Variants in SIK2 observed in about 807,000 individuals in gnomAD.
The protein encoded by SIK2 is serine/threonine-protein kinase SIK2.
A neutral mutation model predicts 103.2 loss-of-function variants in SIK2; 29 were observed. The observed-to-expected ratio is 0.28, with a 90% CI of 0.21 to 0.38. The LOEUF (loss-of-function observed/expected upper bound fraction) is 0.38, where lower values mean the gene tolerates loss of function less well. Ranked by LOEUF, SIK2 falls within the 10% of genes least tolerant of loss-of-function variation. The pLI is 1.00. For missense variants in SIK2, 879 were observed against 1,171.0 expected, an observed-to-expected ratio of 0.75 and a Z score of 3.64; for synonymous variants, 412 against 446.1, an observed-to-expected ratio of 0.92 and a Z score of 0.96.
At chr11:111,641,342 A>G (rs1256364772) in intron 3 of SIK2, among the ~76,000 whole-genome samples, 2 of 152,176 alleles carry the variant, frequency 1.3e-5, no homozygotes, top group Non-Finnish European at 2.9e-5. Context: ...AGAAAATTAC[A>G]AACTGGGCAC....
chr11:111,715,955 C>T (rs1253315596), intron 9 of SIK2, among the ~76,000 whole-genome samples: 2 of 151,926 alleles, frequency 1.3e-5, no homozygotes, highest in African/African-American at 4.8e-5. Flanking sequence ...GCGCCTGCCA[C>T]CACACCCAGC....
In SIK2 at chr11:111,703,429, G is replaced by C; in HGVS notation, c.948+6G>C. ...ATCAGCAGAAAACCATTGAGGTAAA[G>C]TGATCAGAGATTTCGGGGTTCTACT... On this transcript the variant is annotated splice_donor_region_variant and intron_variant, in intron 7 of 14. Transcript: ENST00000304987. 2 of 1,612,950 alleles carry C rather than the reference G, an allele frequency of 1.2e-6. No individual in the cohort carries two copies. Among genetic ancestry groups the C allele is most frequent in the Admixed American group, 3.3e-5 (2 of 60,010 alleles).
chr11:111,648,636 A>G (rs1220744094), intron 3 of SIK2, among the ~76,000 whole-genome samples: 1 of 151,900 alleles, frequency 6.6e-6, no homozygotes, highest in African/African-American at 2.4e-5. Flanking sequence ...CATGAAATAT[A>G]TATATTTCAT....
intron 2 of SIK2, among the ~76,000 whole-genome samples, chr11:111,617,657 A>G (rs936648837): frequency 6.6e-6 from 1 of 152,224 alleles, no homozygotes; most frequent in Non-Finnish European, 1.5e-5. Flanking sequence ...GTGCATTCAA[A>G]TAGATTAGCA....
intron 3 of SIK2, chr11:111,672,234 T>C (rs1942639130): frequency 5.2e-6 from 2 of 381,122 alleles, no homozygotes; most frequent in South Asian, 5.2e-5. Flanking sequence ...TAGCCTCCAC[T>C]CAGACCTATG....
intron 3 of SIK2, among the ~76,000 whole-genome samples, chr11:111,677,099 T>A (rs1942712642): frequency 6.6e-6 from 1 of 152,206 alleles, no homozygotes; most frequent in Non-Finnish European, 1.5e-5. Context: ...AAGTACCTAT[T>A]TGGGGAATTG....
chr11:111,721,035 C>A lies in SIK2; in HGVS notation c.1917C>A (p.Leu639=). The change falls in exon 12 of 15, where the codon CTC becomes CTA. Residue 639 remains leucine (L), a synonymous_variant. Coordinates refer to ENST00000304987, the MANE Select transcript of SIK2 (RefSeq NM_015191.3). The stretch of plus-strand genomic sequence containing the variant: ...ACCTGGCGCCGGCGGCTCCTCAGCT[C>A]CAGGACCTTGCTAGCAGCTGCCCTC... ...DPNLAPAAPQ[L]QDLASSCPQE... is the part of the protein sequence containing the mutation. 6.2e-7 allele frequency: 1 copy of A among 1,613,800 alleles called. No homozygotes were observed. Among genetic ancestry groups the A allele is most frequent in the South Asian group, 1.1e-5 (1 of 91,028 alleles).
At position 111,727,260 on chromosome 11, in the gene SIK2, G is replaced by A. The variant is rs1944003271; in HGVS notation, c.*3131G>A. On this transcript the variant is annotated 3_prime_UTR_variant, in exon 15 of 15. Transcript: ENST00000304987. Reference sequence around the variant, plus strand: ...GAGAGCATCAGGGCCCACCAGGGGAGTGGGGATGGGGCTCAGGGGCTGTTC... The same window carrying A: ...GAGAGCATCAGGGCCCACCAGGGGAATGGGGATGGGGCTCAGGGGCTGTTC... The A allele has an allele frequency of 5.0e-6, 3 of 596,042 alleles. No homozygotes were observed. Among genetic ancestry groups the A allele is most frequent in the South Asian group, 2.0e-5 (1 of 49,048 alleles). 36.9% of individuals were successfully genotyped at this position (596,042 alleles called of 1,614,324 possible).
At chr11:111,643,767 C>T (rs1942214861) in intron 3 of SIK2, among the ~76,000 whole-genome samples, 1 of 150,548 alleles carries the variant, frequency 6.6e-6, no homozygotes, top group Non-Finnish European at 1.5e-5. Flanking sequence ...GAGCCAAGAT[C>T]ACACCATTGC....
chr11:111,637,471 T>C (rs1242819838), intron 3 of SIK2, among the ~76,000 whole-genome samples: 1 of 149,254 alleles, frequency 6.7e-6, no homozygotes, highest in East Asian at 1.9e-4. Flanking sequence ...TTTTTTTTTT[T>C]TTTTTTGAGA....
chr11:111,616,417 A>G (rs1941807299), intron 2 of SIK2, 58 bp downstream of exon 2: 3 of 959,308 alleles, frequency 3.1e-6, no homozygotes, highest in Non-Finnish European at 4.9e-6. Context: ...TCTATTTCGT[A>G]TCATGATTTT....
rs879680079 is a variant in SIK2, at chr11:111,724,393, G to C, written c.*264G>C. On this transcript the variant is annotated 3_prime_UTR_variant, in exon 15 of 15. Coordinates refer to ENST00000304987, the MANE Select transcript of SIK2 (RefSeq NM_015191.3). ...CTTCGGTCGAGTGGAGCAAGCTCTCGAGGGCAGCACTGACAAATGTGTTCC... is the reference window on the plus strand; with the variant it reads ...CTTCGGTCGAGTGGAGCAAGCTCTCCAGGGCAGCACTGACAAATGTGTTCC... The C allele has an allele frequency of 2.0e-6, 1 of 503,434 alleles. No homozygotes were observed. The highest frequency in any genetic ancestry group is 3.6e-6 in the Non-Finnish European group (1 of 280,064). 31.2% of individuals were successfully genotyped at this position (503,434 alleles called of 1,614,324 possible).
rs1334117223 is a variant in SIK2 at position 111,712,379 on chromosome 11, C to T, written c.1266+4C>T. The T allele has an allele frequency of 1.2e-6, 2 of 1,611,938 alleles. No homozygotes were observed. The highest frequency in any genetic ancestry group is 2.2e-5 in the East Asian group (1 of 44,842). On this transcript the variant is annotated splice_donor_region_variant and intron_variant, in intron 9 of 14. Transcript: ENST00000304987. ...AGAGTGTGTGGACACTCCAAAGGTA[C>T]GGCTATGTTTGAGAGTCTCAGAACT...
chr11:111,608,197 A>G (rs976966564), intron 1 of SIK2, among the ~76,000 whole-genome samples: 1 of 152,226 alleles, frequency 6.6e-6, no homozygotes, highest in African/African-American at 2.4e-5. Flanking sequence ...AATAGCCTAT[A>G]TATCCATTTT....
chr11:111,611,118 G>GCA (rs779695114), intron 1 of SIK2, among the ~76,000 whole-genome samples: 12 of 150,594 alleles, frequency 8.0e-5, no homozygotes, highest in Admixed American at 2.7e-4. Context: ...GTGTGTGTGT[G>GCA]CACACCTGTA....
At chr11:111,696,105 C>G (rs1591623196) in intron 4 of SIK2, among the ~76,000 whole-genome samples, 1 of 152,146 alleles carries the variant, frequency 6.6e-6, no homozygotes, top group East Asian at 1.9e-4. Flanking sequence ...GATAACTGAT[C>G]TGTAATTAAA....
intron 2 of SIK2, among the ~76,000 whole-genome samples, chr11:111,617,850 G>GTA (rs1210026911): frequency 1.6e-3 from 234 of 150,598 alleles, no homozygotes; most frequent in African/African-American, 5.3e-3. Flanking sequence ...GTGTGTGTGT[G>GTA]TATATATATA....
intron 2 of SIK2, among the ~76,000 whole-genome samples, chr11:111,617,166 A>G (rs490199): frequency 0.59 from 90,070 of 151,542 alleles, 29,869 homozygotes; most frequent in East Asian, 0.96. Context: ...ATTGTTTTTT[A>G]TAGCTTTAGG....
intron 3 of SIK2, among the ~76,000 whole-genome samples, chr11:111,668,334 T>C (rs1452827708): frequency 6.6e-6 from 1 of 152,236 alleles, no homozygotes; most frequent in Non-Finnish European, 1.5e-5. Flanking sequence ...TATGCCATAA[T>C]TTATTTAACC....
Sources: gnomAD v4.1 joint callset for allele counts (sites outside exome capture counted in the v4.1 genomes callset) on GRCh38, gnomAD v4.1.1 for gene constraint, MANE v1.5 for transcripts, NCBI Gene and HGNC (gene_info 2026-07-23, HGNC 2026-07-21) for gene names.